The following C2orf72 variants were observed in gnomAD, a reference collection of about 807,000 sequenced individuals.
The protein encoded by C2orf72 is chromosome 2 open reading frame 72.
Under a neutral mutation model 14.4 loss-of-function variants are expected in C2orf72, and 16 were observed. That is an observed-to-expected ratio of 1.11 (90% CI 0.75 to 1.69). The LOEUF (loss-of-function observed/expected upper bound fraction) is 1.69, where lower values mean the gene tolerates loss of function less well. Among genes scored for constraint, C2orf72 ranks in the 40% most tolerant of loss-of-function variants. The pLI is 0.00. For missense variants in C2orf72, 371 were observed against 358.3 expected (o/e 1.04, Z -0.29); for synonymous variants, 168 against 176.8 (o/e 0.95, Z 0.40).
At position 231,047,867 on chromosome 2, in the gene C2orf72, A is replaced by G. The variant is rs1189599053; in HGVS notation, c.*846A>G. On this transcript the variant is annotated 3_prime_UTR_variant, in exon 3 of 3. Transcript: ENST00000373640. ...GCAGGGCCAGGACAGAAATAGCCACACATGCCGGTGAGAACAAAGAGCCTC... is the reference window on the plus strand; with the variant it reads ...GCAGGGCCAGGACAGAAATAGCCACGCATGCCGGTGAGAACAAAGAGCCTC... The G allele has an allele frequency of 6.6e-6, 1 of 152,608 alleles. No individual in the cohort carries two copies. The highest frequency in any genetic ancestry group is 1.5e-5 in the Non-Finnish European group (1 of 68,342). The allele number at this position is 152,608 out of a possible 1,614,324, so 9.5% of individuals were successfully genotyped here.
At chr2:231,038,839 C>G (rs1693299321) in intron 1 of C2orf72, among the ~76,000 whole-genome samples, 1 of 152,008 alleles carries the variant, frequency 6.6e-6, no homozygotes, top group South Asian at 2.1e-4. Flanking sequence ...GGCTGTGCAC[C>G]CAACTGCTGT....
Position 231,037,928 on chromosome 2 carries a change from G to T in C2orf72, c.363G>T (p.Pro121=). ...CGTCGTCGCTGGCCGCCCGGGAGCCGCGGCGCCGCCTGCGGGAGATGCTGC... is the reference window on the plus strand; with the variant it reads ...CGTCGTCGCTGGCCGCCCGGGAGCCTCGGCGCCGCCTGCGGGAGATGCTGC... The part of the protein sequence containing the change: ...CRASSLAARE[P]RRRLREMLRD... The change falls in exon 1 of 3, where the codon CCG becomes CCT. Residue 121 remains proline, a synonymous_variant. Coordinates refer to ENST00000373640, the MANE Select transcript of C2orf72 (RefSeq NM_001144994.2). 1 of 1,029,902 alleles carries T rather than the reference G, an allele frequency of 9.7e-7. No individual in the cohort carries two copies. Among genetic ancestry groups the T allele is most frequent in the Non-Finnish European group, 1.2e-6 (1 of 860,682 alleles). 63.8% of individuals were successfully genotyped at this position (1,029,902 alleles called of 1,614,324 possible).
intron 1 of C2orf72, 134 bp from the exon 2 acceptor site, chr2:231,041,162 C>A: frequency 3.3e-6 from 2 of 605,094 alleles, no homozygotes; most frequent in Non-Finnish European, 5.5e-6. Context: ...GCAAATCAGA[C>A]TCTGTGTTTT....
At chr2:231,042,770 C>T (rs1027437927) in intron 2 of C2orf72, among the ~76,000 whole-genome samples, 1 of 152,164 alleles carries the variant, frequency 6.6e-6, no homozygotes, top group Non-Finnish European at 1.5e-5. Flanking sequence ...TTTGGGAGGC[C>T]AAGGTGGGCA....
chr2:231,041,519 T>G lies in C2orf72; in HGVS notation c.748+110T>G. ...ACAGAGTGGACCAACATCTATGGAGTGCTTGCCATGTGCCAGGTGTGGGGA... is the reference window on the plus strand; with the variant it reads ...ACAGAGTGGACCAACATCTATGGAGGGCTTGCCATGTGCCAGGTGTGGGGA... On this transcript the variant is annotated intron_variant, in intron 2 of 2. Transcript: ENST00000373640. The G allele has an allele frequency of 1.1e-5, 8 of 750,616 alleles. No homozygotes were observed. In the South Asian group the frequency reaches 1.5e-4, roughly 14 times the overall value. 46.5% of individuals were successfully genotyped at this position (750,616 alleles called of 1,614,324 possible).
intron 2 of C2orf72, among the ~76,000 whole-genome samples, chr2:231,041,843 T>A (rs1693346732): frequency 6.6e-6 from 1 of 151,892 alleles, no homozygotes; most frequent in South Asian, 2.1e-4. Context: ...GACAGCATGA[T>A]GTCATGCTCA....
At chr2:231,042,377 G>A (rs534037728) in intron 2 of C2orf72, among the ~76,000 whole-genome samples, 22 of 152,110 alleles carry the variant, frequency 1.4e-4, no homozygotes, top group Non-Finnish European at 2.6e-4. Context: ...ATATACCTAC[G>A]ATAAAGCTTA....
Position 231,038,172 on chromosome 2 carries a change from C to T in C2orf72, c.607C>T (p.Leu203=). 8.4e-7 allele frequency: 1 copy of T among 1,194,086 alleles called. No homozygotes were observed. The highest frequency in any genetic ancestry group is 1.0e-6 in the Non-Finnish European group (1 of 963,516). 74.0% of individuals were successfully genotyped at this position (1,194,086 alleles called of 1,614,324 possible). The change falls in exon 1 of 3, where the codon CTG becomes TTG. Residue 203 remains leucine (L), a synonymous_variant. Coordinates refer to ENST00000373640, the MANE Select transcript of C2orf72 (RefSeq NM_001144994.2). Reference sequence around the variant, plus strand: ...CGTCCAGGCGGCCGCCTGCAGGGCCCTGCAAGCCGCCGGAGCCGGGCAACC... The same window carrying T: ...CGTCCAGGCGGCCGCCTGCAGGGCCTTGCAAGCCGCCGGAGCCGGGCAACC... The part of the protein sequence containing the change: ...LAVQAAACRA[L]QAAGAGQPVE...
intron 2 of C2orf72, among the ~76,000 whole-genome samples, chr2:231,042,147 C>T (rs562934748): frequency 6.6e-6 from 1 of 152,168 alleles, no homozygotes; most frequent in South Asian, 2.1e-4. Flanking sequence ...GGAGAAAACT[C>T]ACCCGGAGCC....
chr2:231,044,517 A>G (rs191517159), intron 2 of C2orf72, among the ~76,000 whole-genome samples: 1 of 152,298 alleles, frequency 6.6e-6, no homozygotes, highest in African/African-American at 2.4e-5. Flanking sequence ...AAACAAACAA[A>G]CAGACAAACA....
In C2orf72 at chr2:231,046,941, T is replaced by A. The variant is rs979170255; in HGVS notation, c.808T>A (p.Cys270Ser). Residue 270 changes from cysteine to serine, a missense_variant, in exon 3 of 3, where the codon TGT becomes AGT. Cys to Ser is a moderately radical substitution (Grantham distance 112, BLOSUM62 -1). This residue lies in a region of C2orf72 where 145 missense variants were observed against 149.4 expected (regional missense o/e 0.97). Coordinates refer to ENST00000373640, the MANE Select transcript of C2orf72 (RefSeq NM_001144994.2). ...PLTAIFPNGD[C>S]DDLGRGSKAC... ...AACAGCCATATTTCCCAATGGAGAC[T>A]GTGATGACCTTGGAAGGGGGTCAAA... is the stretch of plus-strand genomic sequence containing the variant. 1.4e-5 allele frequency: 22 copies of A among 1,551,662 alleles called. No individual in the cohort carries two copies. In the African/African-American group the frequency reaches 3.0e-4, roughly 21 times the overall value.
chr2:231,046,069 G>A (rs1445891587), intron 2 of C2orf72, among the ~76,000 whole-genome samples: 1 of 152,168 alleles, frequency 6.6e-6, no homozygotes, highest in Admixed American at 6.5e-5. Flanking sequence ...GAGGCAGGGG[G>A]ATAGCTTGAG....
At chr2:231,044,545 T>C (rs2125138133) in intron 2 of C2orf72, among the ~76,000 whole-genome samples, 1 of 152,230 alleles carries the variant, frequency 6.6e-6, no homozygotes, top group South Asian at 2.1e-4. Flanking sequence ...CCTTTTTAAA[T>C]TATTAAAAGC....
chr2:231,042,184 T>G (rs1222972761), intron 2 of C2orf72, among the ~76,000 whole-genome samples: 1 of 151,922 alleles, frequency 6.6e-6, no homozygotes, highest in East Asian at 1.9e-4. Context: ...ATCAGGCCAC[T>G]AAATGGAAAT....
In C2orf72 at chr2:231,037,813, AGAGGGCGGC is replaced by A. The variant is rs1310185613; in HGVS notation, c.258_266del (p.Arg87_Ala89del). On this transcript the variant is annotated inframe_deletion, in exon 1 of 3. Transcript: ENST00000373640. Reference sequence around the variant, plus strand: ...GGGCCCGGGGCGGCGCGCGGGGCGCAGAGGGCGGCGAGGGCGGCTGGGGCGGCGGGGGCG... The same window carrying A: ...GGGCCCGGGGCGGCGCGCGGGGCGCAGAGGGCGGCTGGGGCGGCGGGGGCG... The A allele has an allele frequency of 8.8e-5, 86 of 977,962 alleles. No individual in the cohort carries two copies. Among genetic ancestry groups the A allele is most frequent in the African/African-American group, 8.5e-4 (47 of 55,274 alleles). 60.6% of individuals were successfully genotyped at this position (977,962 alleles called of 1,614,324 possible).
intron 2 of C2orf72, among the ~76,000 whole-genome samples, chr2:231,044,001 G>C (rs1370376401): frequency 6.6e-6 from 1 of 152,160 alleles, no homozygotes; most frequent in Admixed American, 6.5e-5. Context: ...CTGTACAGCA[G>C]GTTACTGTCC....
At position 231,039,960 on chromosome 2, in the gene C2orf72, C is replaced by T. The variant is rs550936846; in HGVS notation, c.635-1336C>T. 3.3e-3 allele frequency among the ~76,000 whole-genome samples: 506 copies of T among 152,214 alleles called. 4 individuals are homozygous for T. Among genetic ancestry groups the T allele is most frequent in the Middle Eastern group, 0.01 (3 of 294 alleles). ...GTTTCGCCATATTGACCAGGCTAGTCTCGAACTCCTGACCTCAAGTGATCC... is the reference window on the plus strand; with the variant it reads ...GTTTCGCCATATTGACCAGGCTAGTTTCGAACTCCTGACCTCAAGTGATCC... On this transcript the variant is annotated intron_variant, in intron 1 of 2. Coordinates refer to ENST00000373640, the MANE Select transcript of C2orf72 (RefSeq NM_001144994.2).
In C2orf72 at chr2:231,048,538, C is replaced by T. The variant is rs1261632417; in HGVS notation, c.*1517C>T. ...TGCTCCTGGACAGCAGTGGGTCTCA[C>T]CTTTAGCCTCTGCCCCCAGTTCTGG... is the stretch of plus-strand genomic sequence containing the variant. On this transcript the variant is annotated 3_prime_UTR_variant, in exon 3 of 3. Transcript: ENST00000373640. 1 of 152,598 alleles carries T rather than the reference C, an allele frequency of 6.6e-6. No individual in the cohort carries two copies. Among genetic ancestry groups the T allele is most frequent in the African/African-American group, 2.4e-5 (1 of 41,470 alleles). The allele number at this position is 152,598 out of a possible 1,614,324, so 9.5% of individuals were successfully genotyped here. A position where few individuals can be genotyped will look rare whatever the true frequency, so the allele number is the denominator to read the frequency against.
chr2:231,038,171 C>T lies in C2orf72; in HGVS notation c.606C>T (p.Ala202=), dbSNP rs1693286739. 8.4e-7 allele frequency: 1 copy of T among 1,193,866 alleles called. No homozygotes were observed. Among genetic ancestry groups the T allele is most frequent in the Non-Finnish European group, 1.0e-6 (1 of 963,346 alleles). 74.0% of individuals were successfully genotyped at this position (1,193,866 alleles called of 1,614,324 possible). A position where few individuals can be genotyped will look rare whatever the true frequency, so the allele number is the denominator to read the frequency against. ...CLAVQAAACR[A]LQAAGAGQPV... ...CCGTCCAGGCGGCCGCCTGCAGGGC[C>T]CTGCAAGCCGCCGGAGCCGGGCAAC... is the stretch of plus-strand genomic sequence containing the variant. Residue 202 remains alanine, a synonymous_variant, in exon 1 of 3, where the codon GCC becomes GCT. Coordinates refer to ENST00000373640, the MANE Select transcript of C2orf72 (RefSeq NM_001144994.2).
Sources: allele counts gnomAD v4.1 joint callset (sites outside exome capture counted in the v4.1 genomes callset), GRCh38; gene constraint gnomAD v4.1.1; regional missense constraint gnomAD v4.1.1; transcripts MANE v1.5; gene names NCBI Gene and HGNC (gene_info 2026-07-23, HGNC 2026-07-21).